CCDC112: variants seen among roughly 807,000 people sequenced by gnomAD.
CCDC112 encodes coiled-coil domain-containing protein 112.
In CCDC112, 40 loss-of-function variants were observed where a neutral mutation model predicts 66.3. The ratio of observed to expected loss-of-function variants is 0.60; its 90% CI spans 0.47 to 0.79. The LOEUF (loss-of-function observed/expected upper bound fraction) is 0.79, where lower values mean the gene tolerates loss of function less well. Ranked by LOEUF, CCDC112 falls within the 30% of genes least tolerant of loss-of-function variation. The pLI is 0.00. For synonymous variants in CCDC112, 214 were observed against 197.2 expected (o/e 1.09, Z -0.71); for missense variants, 659 against 603.8 (o/e 1.09, Z -0.96).
chr5:115,274,325 G>A (rs1270795143), intron 6 of CCDC112, among the ~76,000 whole-genome samples: 1 of 152,106 alleles, frequency 6.6e-6, no homozygotes, highest in Non-Finnish European at 1.5e-5. Flanking sequence ...TAGTATCAAG[G>A]TTAAGAAATC....
At chr5:115,285,023 G>A (rs1749617799) in intron 1 of CCDC112, 115 bp from the exon 2 acceptor site, 1 of 902,720 alleles carries the variant, frequency 1.1e-6, no homozygotes, top group South Asian at 1.9e-5. Context: ...TAATTTTGGG[G>A]CCAATCTCAC....
intron 4 of CCDC112, among the ~76,000 whole-genome samples, chr5:115,276,693 G>A (rs545655124): frequency 6.6e-6 from 1 of 152,156 alleles, no homozygotes; most frequent in South Asian, 2.1e-4. Context: ...ACTAGTATGT[G>A]TTCTGCCTAC....
intron 2 of CCDC112, chr5:115,280,330 A>C (rs990789715): frequency 1.3e-5 from 2 of 152,224 alleles, no homozygotes; most frequent in Non-Finnish European, 2.9e-5. Context: ...TATTAATAAA[A>C]CTAAAACTTC....
At chr5:115,290,832 A>G (rs1749890498) in intron 1 of CCDC112, among the ~76,000 whole-genome samples, 1 of 152,098 alleles carries the variant, frequency 6.6e-6, no homozygotes, top group African/African-American at 2.4e-5. Context: ...TTGATCTTGT[A>G]TTCTGCAACC....
rs184976579 is a variant in CCDC112, at chr5:115,273,860, A to G, written c.918+1356T>C. On this transcript the variant is annotated intron_variant, in intron 6 of 9. Transcript: ENST00000379611. ...CCATGTTTTCAGCATTCTGGGGAAA[A>G]AAGCCCAAATGACTTATGTTTCAAA... Among the ~76,000 whole-genome samples, 3 of 152,268 alleles carry G rather than the reference A, an allele frequency of 2.0e-5. No individual in the cohort carries two copies. The East Asian group carries it at 5.8e-4, about 29-fold the overall frequency.
chr5:115,289,055 C>G (rs546852875), intron 1 of CCDC112: 1 of 279,758 alleles, frequency 3.6e-6, no homozygotes, highest in African/African-American at 2.3e-5. Context: ...TTTCCCTCAG[C>G]CTTCATCAAA....
chr5:115,291,073 A>G (rs1376512220), intron 1 of CCDC112, among the ~76,000 whole-genome samples: 1 of 152,140 alleles, frequency 6.6e-6, no homozygotes, highest in East Asian at 1.9e-4. Context: ...ATACGGAAAC[A>G]GCTTTCCATA....
intron 3 of CCDC112, 42 bp downstream of exon 3, chr5:115,279,605 A>G (rs1749359974): frequency 6.3e-7 from 1 of 1,599,552 alleles, no homozygotes; most frequent in Non-Finnish European, 8.5e-7. Context: ...CTACAACTTT[A>G]TATCGCTCAA....
At chr5:115,280,059 C>A (rs1167050212) in intron 2 of CCDC112, among the ~76,000 whole-genome samples, 1 of 152,144 alleles carries the variant, frequency 6.6e-6, no homozygotes. Flanking sequence ...AAGCTTTTGA[C>A]TATTGATTCC....
At chr5:115,289,141 G>T in intron 1 of CCDC112, 1 of 211,956 alleles carries the variant, frequency 4.7e-6, no homozygotes, top group Non-Finnish European at 9.5e-6. Context: ...TAGCCACTTT[G>T]GCCAGTTTTC....
chr5:115,269,162 G>T (rs988217048), intron 8 of CCDC112, among the ~76,000 whole-genome samples, 162 bp from the exon 9 acceptor site: 1 of 152,132 alleles, frequency 6.6e-6, no homozygotes, highest in African/African-American at 2.4e-5. Context: ...ATAGCTAAAA[G>T]AAAATTTAGA....
At chr5:115,270,736 T>C (rs1748961017) in intron 7 of CCDC112, among the ~76,000 whole-genome samples, 1 of 152,234 alleles carries the variant, frequency 6.6e-6, no homozygotes, top group Non-Finnish European at 1.5e-5. Flanking sequence ...GCTACCTTTC[T>C]AGTCTCATCA....
At chr5:115,270,174 G>A (rs1748939097) in intron 7 of CCDC112, among the ~76,000 whole-genome samples, 1 of 151,736 alleles carries the variant, frequency 6.6e-6, no homozygotes, top group East Asian at 1.9e-4. Flanking sequence ...TTATTTTTGG[G>A]GTGTATGAGG....
At chr5:115,296,010 G>C in intron 1 of CCDC112, 1 of 990,816 alleles carries the variant, frequency 1.0e-6, no homozygotes, top group African/African-American at 1.7e-5. Flanking sequence ...CCCAGCGCCG[G>C]TACAGTAACA....
rs772444385 is a variant in CCDC112, at chr5:115,268,887, T to G, written c.1542A>C (p.Pro514=). The G allele has an allele frequency of 6.4e-7, 1 of 1,568,668 alleles. No homozygotes were observed. The highest frequency in any genetic ancestry group is 8.7e-7 in the Non-Finnish European group (1 of 1,152,622). Residue 514 remains proline (P), a synonymous_variant, in exon 9 of 10, where the codon CCA becomes CCC. Transcript: ENST00000379611. ...PTGSGPLLHI[P]HRAIPTWRQG... ...CAATTCTAACTCTTTCTTACCTATG[T>G]GGGATATGTAGAAGTGGCCCAGAGC...
chr5:115,283,815 G>A (rs1168032361), intron 2 of CCDC112, among the ~76,000 whole-genome samples: 1 of 151,936 alleles, frequency 6.6e-6, no homozygotes, highest in African/African-American at 2.4e-5. Flanking sequence ...ATGTCCTTTG[G>A]CAAATTGATA....
At chr5:115,287,748 T>C (rs1258639988) in intron 1 of CCDC112, among the ~76,000 whole-genome samples, 1 of 150,380 alleles carries the variant, frequency 6.6e-6, no homozygotes, top group Non-Finnish European at 1.5e-5. Flanking sequence ...CTTCTTATGT[T>C]GCCCAGGTTG....
chr5:115,285,321 A>G (rs1260350860), intron 1 of CCDC112, among the ~76,000 whole-genome samples: 1 of 152,194 alleles, frequency 6.6e-6, no homozygotes, highest in Non-Finnish European at 1.5e-5. Context: ...AAGCAATAAA[A>G]TGAAAACTCC....
chr5:115,287,277 T>C (rs559584015), intron 1 of CCDC112, among the ~76,000 whole-genome samples: 8 of 152,340 alleles, frequency 5.3e-5, no homozygotes, highest in African/African-American at 1.7e-4. Context: ...TAATGACTAA[T>C]GATGTTGAGC....
Sources: allele counts gnomAD v4.1 joint callset (sites outside exome capture counted in the v4.1 genomes callset), GRCh38; gene constraint gnomAD v4.1.1; transcripts MANE v1.5; gene names NCBI Gene and HGNC (gene_info 2026-07-23, HGNC 2026-07-21).